FHAD1: variants seen among roughly 807,000 people sequenced by gnomAD.
FHAD1 encodes forkhead-associated domain-containing protein 1.
FHAD1 carries 146 observed loss-of-function variants against 191.3 expected under a neutral mutation model. That is an observed-to-expected ratio of 0.76 (90% CI 0.67 to 0.88). The LOEUF (loss-of-function observed/expected upper bound fraction) is 0.88, where lower values mean the gene tolerates loss of function less well. Among genes scored for constraint, FHAD1 ranks in the 40% least tolerant of loss-of-function variants. The probability of loss-of-function intolerance (pLI) is 0.00; values close to 1 mark genes in which losing one functional copy is unlikely to be tolerated. For synonymous variants in FHAD1, 616 were observed against 672.3 expected, an observed-to-expected ratio of 0.92 and a Z score of 1.29; for missense variants, 1,635 against 1,785.8, an observed-to-expected ratio of 0.92 and a Z score of 1.52.
At chr1:15,279,150 T>G (rs1659573472) in intron 3 of FHAD1, among the ~76,000 whole-genome samples, 1 of 152,182 alleles carries the variant, frequency 6.6e-6, no homozygotes, top group African/African-American at 2.4e-5. Flanking sequence ...AAGGTAAATT[T>G]GGTGCATGAT....
chr1:15,283,181 G>A (rs1356223845), intron 3 of FHAD1, among the ~76,000 whole-genome samples: 1 of 152,234 alleles, frequency 6.6e-6, no homozygotes, highest in Non-Finnish European at 1.5e-5. Flanking sequence ...GGAAAGGGGT[G>A]GTACCTTTTG....
chr1:15,242,567 C>G (rs1645512748), upstream of FHAD1, among the ~76,000 whole-genome samples: 1 of 152,152 alleles, frequency 6.6e-6, no homozygotes, highest in East Asian at 1.9e-4. Flanking sequence ...CAGGTGCCAC[C>G]CCATAGAGAC....
chr1:15,368,564 G>A (rs561994443), intron 25 of FHAD1, among the ~76,000 whole-genome samples: 1 of 152,272 alleles, frequency 6.6e-6, no homozygotes, highest in South Asian at 2.1e-4. Flanking sequence ...TGGCTATCTG[G>A]TAGCTTTGTG....
In FHAD1 at chr1:15,368,249, C is replaced by T. The variant is rs1036093112; in HGVS notation, c.3314+627C>T. Reference sequence around the variant, plus strand: ...TCGGCCTCCCAAAGTGCTGGGATTACAGGCATGAGCCACCGCGCCCGGCCC... The same window carrying T: ...TCGGCCTCCCAAAGTGCTGGGATTATAGGCATGAGCCACCGCGCCCGGCCC... On this transcript the variant is annotated intron_variant, in intron 25 of 33. Transcript: ENST00000688493. 2.6e-5 allele frequency among the ~76,000 whole-genome samples: 4 copies of T among 152,134 alleles called. No homozygotes were observed. In the East Asian group the frequency reaches 7.7e-4, roughly 29 times the overall value.
intron 19 of FHAD1, among the ~76,000 whole-genome samples, chr1:15,350,915 T>C (rs1396048568): frequency 6.6e-6 from 1 of 152,070 alleles, no homozygotes; most frequent in Non-Finnish European, 1.5e-5. Flanking sequence ...ACAGACATGC[T>C]AAGGGGTGGG....
At chr1:15,339,144 G>A (rs1178390605) in intron 14 of FHAD1, among the ~76,000 whole-genome samples, 1 of 152,152 alleles carries the variant, frequency 6.6e-6, no homozygotes, top group Non-Finnish European at 1.5e-5. Context: ...AGCCTCCCAA[G>A]TAGCTGGAAT....
intron 17 of FHAD1, 78 bp downstream of exon 17, chr1:15,345,268 C>T: frequency 2.1e-6 from 3 of 1,396,694 alleles, no homozygotes; most frequent in Non-Finnish European, 3.0e-6. Flanking sequence ...CTGGTCTGGG[C>T]CCGCCGGCTC....
In FHAD1 at chr1:15,324,520, G is replaced by C; in HGVS notation, c.1434G>C (p.Glu478Asp). Residue 478 changes from glutamate (E) to aspartate (D), a missense_variant, in exon 11 of 34, where the codon GAG becomes GAC. Glu to Asp is a conservative substitution (Grantham distance 45, BLOSUM62 2). Transcript: ENST00000688493. ...LLQLQEMGNR[E>D]SVIKINLERA... ...AGCTGCAAGAAATGGGGAACAGAGA[G>C]AGCGTCATTAAAATCAATTTGGAGA... 1.3e-6 allele frequency: 2 copies of C among 1,552,140 alleles called. No individual in the cohort carries two copies. Among genetic ancestry groups the C allele is most frequent in the East Asian group, 4.9e-5 (2 of 40,918 alleles).
chr1:15,353,093 G>C, intron 20 of FHAD1, 109 bp downstream of exon 20: 1 of 771,910 alleles, frequency 1.3e-6, no homozygotes, highest in Non-Finnish European at 2.1e-6. Flanking sequence ...CCTGGCTGGG[G>C]GACTTCAGGC....
At chr1:15,313,705 C>T (rs1673014077) in intron 8 of FHAD1, among the ~76,000 whole-genome samples, 1 of 152,150 alleles carries the variant, frequency 6.6e-6, no homozygotes, top group Non-Finnish European at 1.5e-5. Context: ...TCATTTCTTC[C>T]CTTAGACTTT....
Position 15,289,548 on chromosome 1 carries a change from G to C in FHAD1, c.450G>C (p.Gln150His). The change falls in exon 4 of 34, where the codon CAG becomes CAC. Residue 150 changes from glutamine (Q) to histidine (H), a missense_variant. Transcript: ENST00000688493. This position sits in a 1 kb window ranked among gnomAD's most constrained non-coding sequence, Gnocchi z 4.2. ...QPAPMQRSWS[Q>H]AFPRPTVVLP... is the part of the protein sequence containing the mutation. Reference sequence around the variant, plus strand: ...CACCGATGCAAAGGAGCTGGTCCCAGGCCTTTCCCAGACCCACCGTGGTCC... The same window carrying C: ...CACCGATGCAAAGGAGCTGGTCCCACGCCTTTCCCAGACCCACCGTGGTCC... 1 of 1,551,832 alleles carries C rather than the reference G, an allele frequency of 6.4e-7. No homozygotes were observed. The highest frequency in any genetic ancestry group is 8.7e-7 in the Non-Finnish European group (1 of 1,147,026).
chr1:15,336,267 C>T (rs1019252816), intron 14 of FHAD1, among the ~76,000 whole-genome samples: 3 of 152,156 alleles, frequency 2.0e-5, no homozygotes, highest in African/African-American at 7.2e-5. Context: ...AAAAACGTAT[C>T]AAACTCTTGG....
At chr1:15,400,933 A>C (rs1707109981), downstream of FHAD1, among the ~76,000 whole-genome samples, 3 of 152,222 alleles carry the variant, frequency 2.0e-5, no homozygotes, top group South Asian at 6.2e-4. Context: ...GAGGAGCTCC[A>C]GATTTTTACA....
intron 8 of FHAD1, among the ~76,000 whole-genome samples, chr1:15,315,554 C>T: frequency 6.9e-6 from 1 of 145,026 alleles, no homozygotes. Context: ...GGCGCGATCT[C>T]AGCTCACTGC....
In FHAD1 at chr1:15,316,387, C is replaced by G; in HGVS notation, c.1180C>G (p.Leu394Val). 6.4e-7 allele frequency: 1 copy of G among 1,551,618 alleles called. No homozygotes were observed. The highest frequency in any genetic ancestry group is 8.7e-7 in the Non-Finnish European group (1 of 1,146,970). Residue 394 changes from leucine (L) to valine (V), a missense_variant, in exon 9 of 34, where the codon CTA becomes GTA. Physicochemically the swap from Leu to Val is conservative, Grantham distance 32. Coordinates refer to ENST00000688493, the MANE Select transcript of FHAD1 (RefSeq NM_001391957.1). This position sits in a 1 kb window ranked among gnomAD's most constrained non-coding sequence, Gnocchi z 4.3. The part of the protein sequence containing the change: ...LEALGSRCSV[L>V]KEELKQEDAH... ...GCCCTTTTCTCCACAGTGCTCGGTG[C>G]TAAAGGAAGAGTTAAAACAGGAAGA...
chr1:15,355,906 TA>T (rs33997410), intron 20 of FHAD1, among the ~76,000 whole-genome samples: 51,709 of 125,024 alleles, frequency 0.41, 10,472 homozygotes, highest in South Asian at 0.52. Context: ...TTCCTGATTA[TA>T]AAAAAAAACC....
chr1:15,373,202 A>G (rs2102867174), intron 26 of FHAD1, among the ~76,000 whole-genome samples: 1 of 152,292 alleles, frequency 6.6e-6, no homozygotes, highest in Non-Finnish European at 1.5e-5. Flanking sequence ...TTAAAAGGGT[A>G]CATGACCCTT....
intron 31 of FHAD1, chr1:15,384,612 G>T (rs1217773529): frequency 6.6e-6 from 1 of 152,192 alleles, no homozygotes; most frequent in African/African-American, 2.4e-5. Context: ...ACACAATGCG[G>T]GCTGGCCAGC....
chr1:15,389,458 A>AAAAAAAAAAAAAAAAAAC (rs1703290237), intron 32 of FHAD1, among the ~76,000 whole-genome samples: 1 of 149,042 alleles, frequency 6.7e-6, no homozygotes, highest in Non-Finnish European at 1.5e-5. Flanking sequence ...AAAAAAAAAA[A>AAAAAAAAAAAAAAAAAAC]AAAAAAAAAA....
Sources: gnomAD v4.1 joint callset for allele counts (sites outside exome capture counted in the v4.1 genomes callset) on GRCh38, gnomAD v4.1.1 for gene constraint, Gnocchi (gnomAD v3.1) non-coding constraint, MANE v1.5 for transcripts, NCBI Gene and HGNC (gene_info 2026-07-23, HGNC 2026-07-21) for gene names.